The following ERC1 variants were observed in gnomAD, a reference collection of about 807,000 sequenced individuals.
ERC1 encodes the protein ELKS/RAB6-interacting/CAST family member 1.
A neutral mutation model predicts 132.0 loss-of-function variants in ERC1; 56 were observed. The observed-to-expected ratio is 0.42, with a 90% CI of 0.34 to 0.53. The LOEUF (loss-of-function observed/expected upper bound fraction) is 0.53, where lower values mean the gene tolerates loss of function less well. Among genes scored for constraint, ERC1 ranks in the 20% least tolerant of loss-of-function variants. The probability of loss-of-function intolerance (pLI) is 0.03; values close to 1 mark genes in which losing one functional copy is unlikely to be tolerated. For synonymous variants in ERC1, 478 were observed against 476.1 expected (o/e 1.00, Z -0.05); for missense variants, 1,202 against 1,349.9 (o/e 0.89, Z 1.72).
chr12:1,165,057 A>G (rs1318394438), intron 8 of ERC1, among the ~76,000 whole-genome samples: 2 of 152,236 alleles, frequency 1.3e-5, no homozygotes, highest in Non-Finnish European at 2.9e-5. Context: ...TAATTCAGGA[A>G]TTACCACAGA....
intron 2 of ERC1, among the ~76,000 whole-genome samples, chr12:1,051,093 C>T (rs928364036): frequency 1.5e-4 from 23 of 152,096 alleles, no homozygotes; most frequent in African/African-American, 5.3e-4. Flanking sequence ...ATAGTTTTGT[C>T]ATCATACTTG....
chr12:1,478,568 T>C (rs11061773), intron 18 of ERC1, among the ~76,000 whole-genome samples: 67,782 of 151,794 alleles, frequency 0.45, 17,519 homozygotes, highest in African/African-American at 0.72. Flanking sequence ...CCGAGGCGGG[T>C]GGATCACGAG....
chr12:1,285,464 A>G (rs1177462464), intron 14 of ERC1, among the ~76,000 whole-genome samples: 3 of 152,232 alleles, frequency 2.0e-5, no homozygotes, highest in East Asian at 1.9e-4. Context: ...AAATGGCACA[A>G]TGAACAATAT....
intron 16 of ERC1, chr12:1,386,523 C>T (rs1225302485): frequency 1.3e-5 from 2 of 151,932 alleles, no homozygotes; most frequent in Admixed American, 1.3e-4. Context: ...TGGTGCACAC[C>T]TGTAATCCCA....
chr12:1,232,842 A>T (rs894581397), intron 12 of ERC1, among the ~76,000 whole-genome samples: 1 of 152,020 alleles, frequency 6.6e-6, no homozygotes, highest in East Asian at 1.9e-4. Flanking sequence ...TAAGGGCTTT[A>T]TTGGTTTACT....
chr12:1,439,483 TTAGTACTTAACCA>T (rs1265651052), intron 17 of ERC1, among the ~76,000 whole-genome samples: 1 of 152,220 alleles, frequency 6.6e-6, no homozygotes, highest in Non-Finnish European at 1.5e-5. Flanking sequence ...AACAAAGCTC[TTAGTACTTAACCA>T]AAAATGTCTC....
chr12:1,456,440 G>A (rs2093536414), intron 18 of ERC1, among the ~76,000 whole-genome samples: 1 of 151,844 alleles, frequency 6.6e-6, no homozygotes, highest in African/African-American at 2.4e-5. Context: ...ATGAATTCAG[G>A]GCCACCTTAC....
intron 16 of ERC1, among the ~76,000 whole-genome samples, chr12:1,378,927 G>C (rs1314883095): frequency 6.6e-6 from 1 of 152,114 alleles, no homozygotes; most frequent in East Asian, 1.9e-4. Context: ...TCATGGTTTT[G>C]ACAAATACAC....
chr12:1,205,603 G>A (rs1028784169), intron 12 of ERC1, among the ~76,000 whole-genome samples: 2 of 151,920 alleles, frequency 1.3e-5, no homozygotes, highest in Non-Finnish European at 2.9e-5. Context: ...GAATCTTAAA[G>A]TGTTTGTAAT....
intron 8 of ERC1, among the ~76,000 whole-genome samples, chr12:1,154,566 A>T (rs1159388912): frequency 6.6e-6 from 1 of 152,084 alleles, no homozygotes; most frequent in Non-Finnish European, 1.5e-5. Flanking sequence ...ATGGGACTTA[A>T]TGGACTTAAT....
intron 16 of ERC1, among the ~76,000 whole-genome samples, chr12:1,403,940 C>T (rs1287256568): frequency 3.9e-5 from 6 of 152,138 alleles, no homozygotes; most frequent in African/African-American, 1.4e-4. Flanking sequence ...CTGTATATGC[C>T]TCTTTCCTTT....
intron 16 of ERC1, among the ~76,000 whole-genome samples, chr12:1,400,114 G>T (rs1333622836): frequency 5.3e-5 from 8 of 152,136 alleles, no homozygotes; most frequent in African/African-American, 9.7e-5. Flanking sequence ...TGTTTGTTTT[G>T]TTTTATATTG....
chr12:1,341,055 A>ATTCTTTTCTTT (rs1294676606), intron 15 of ERC1, among the ~76,000 whole-genome samples: 1 of 80,180 alleles, frequency 1.2e-5, no homozygotes, highest in Non-Finnish European at 2.6e-5. Flanking sequence ...ATGTCCACTT[A>ATTCTTTTCTTT]TTCTTTTCTT....
At chr12:1,427,907 GA>G (rs2092686810) in intron 17 of ERC1, among the ~76,000 whole-genome samples, 1 of 152,178 alleles carries the variant, frequency 6.6e-6, no homozygotes, top group Non-Finnish European at 1.5e-5. Flanking sequence ...ATTTGGGGTA[GA>G]ACCTTTTACT....
intron 2 of ERC1, among the ~76,000 whole-genome samples, chr12:1,043,905 C>T (rs1470593602): frequency 3.3e-5 from 5 of 152,148 alleles, no homozygotes. Flanking sequence ...TGTGCCCTGG[C>T]ATTTACATGT....
intron 2 of ERC1, among the ~76,000 whole-genome samples, chr12:1,045,062 A>G (rs1339115734): frequency 6.6e-6 from 1 of 152,122 alleles, no homozygotes; most frequent in African/African-American, 2.4e-5. Context: ...GTGCTTTTGT[A>G]TGAAGATGAC....
At chr12:1,470,865 C>G (rs995399595) in intron 18 of ERC1, among the ~76,000 whole-genome samples, 1 of 152,204 alleles carries the variant, frequency 6.6e-6, no homozygotes, top group African/African-American at 2.4e-5. Flanking sequence ...TCCAAGCATT[C>G]CACACAGAAG....
intron 16 of ERC1, among the ~76,000 whole-genome samples, chr12:1,382,940 T>C (rs955935414): frequency 6.6e-6 from 1 of 152,148 alleles, no homozygotes. Flanking sequence ...AAGTAGAAAG[T>C]CCAGAGGCTG....
chr12:1,133,555 A>G (rs1379365683), intron 7 of ERC1, among the ~76,000 whole-genome samples: 1 of 152,168 alleles, frequency 6.6e-6, no homozygotes, highest in Admixed American at 6.5e-5. Flanking sequence ...TTCATATTCC[A>G]CTAAGGTCTT....
Sources: gnomAD v4.1 joint callset for allele counts (sites outside exome capture counted in the v4.1 genomes callset) on GRCh38, gnomAD v4.1.1 for gene constraint, MANE v1.5 for transcripts, NCBI Gene and HGNC (gene_info 2026-07-23, HGNC 2026-07-21) for gene names.